THRAP3: variants seen among roughly 807,000 people sequenced by gnomAD.
THRAP3 encodes thyroid hormone receptor-associated protein 3.
Under a neutral mutation model 101.0 loss-of-function variants are expected in THRAP3, and 16 were observed. The ratio of observed to expected loss-of-function variants is 0.16; its 90% CI spans 0.11 to 0.24. The LOEUF (loss-of-function observed/expected upper bound fraction) is 0.24, where lower values mean the gene tolerates loss of function less well. Among genes scored for constraint, THRAP3 ranks in the 10% least tolerant of loss-of-function variants. The pLI, the probability that THRAP3 is intolerant of heterozygous loss-of-function variation, is 1.00. For synonymous variants in THRAP3, 407 were observed against 422.6 expected (o/e 0.96, Z 0.45); for missense variants, 989 against 1,202.7 (o/e 0.82, Z 2.63).
intron 2 of THRAP3, among the ~76,000 whole-genome samples, chr1:36,268,698 TA>T (rs1439709921): frequency 6.6e-6 from 1 of 151,764 alleles, no homozygotes; most frequent in African/African-American, 2.4e-5. Context: ...CTTAGAAAAG[TA>T]ATCCATGTGT....
chr1:36,210,915 A>C, the THRAP3 span, among the ~76,000 whole-genome samples: 1 of 149,028 alleles, frequency 6.7e-6, no homozygotes, highest in South Asian at 2.1e-4. Flanking sequence ...TGGAATTTTA[A>C]AAACATCTTG....
chr1:36,293,116 C>T (rs1258541541), intron 7 of THRAP3, among the ~76,000 whole-genome samples: 1 of 141,318 alleles, frequency 7.1e-6, no homozygotes, highest in East Asian at 2.4e-4. Flanking sequence ...GCAACCTCTG[C>T]CTCCCAGGTT....
chr1:36,233,367 A>G (rs753353076), intron 1 of THRAP3, among the ~76,000 whole-genome samples: 17 of 151,820 alleles, frequency 1.1e-4, no homozygotes, highest in Non-Finnish European at 2.4e-4. Context: ...TTAGCCAGGC[A>G]TGCTGGTGGG....
chr1:36,231,956 C>G (rs1003619322), intron 1 of THRAP3, among the ~76,000 whole-genome samples: 3 of 152,110 alleles, frequency 2.0e-5, no homozygotes, highest in African/African-American at 7.2e-5. Flanking sequence ...GTGGTTCACG[C>G]CTGTAATCCC....
intron 4 of THRAP3, chr1:36,287,856 TC>T (rs1645815716): frequency 3.0e-6 from 3 of 985,304 alleles, no homozygotes; most frequent in Admixed American, 1.2e-4. Flanking sequence ...TCCGTCTTTC[TC>T]CCCTGGGGGA....
At chr1:36,216,252 G>T in the THRAP3 span, among the ~76,000 whole-genome samples, 1 of 151,900 alleles carries the variant, frequency 6.6e-6, no homozygotes, top group African/African-American at 2.4e-5. Flanking sequence ...GGGCGCTGTA[G>T]CTCACGCCTG....
chr1:36,290,931 A>T (rs1399354569), intron 5 of THRAP3, among the ~76,000 whole-genome samples: 1 of 152,162 alleles, frequency 6.6e-6, no homozygotes, highest in Non-Finnish European at 1.5e-5. Flanking sequence ...CCGCTTCATG[A>T]CATCACCTCC....
chr1:36,301,063 T>C lies in THRAP3; in HGVS notation c.2481T>C (p.Gly827=). The C allele has an allele frequency of 6.2e-7, 1 of 1,614,114 alleles. No individual in the cohort carries two copies. The highest frequency in any genetic ancestry group is 8.5e-7 in the Non-Finnish European group (1 of 1,179,998). Reference sequence around the variant, plus strand: ...TTGTGGGTCCAAGTGAAAGAGGAGGTGGCAGAGCTCGAGGAACCTTTGTAA... The same window carrying C: ...TTGTGGGTCCAAGTGAAAGAGGAGGCGGCAGAGCTCGAGGAACCTTTGTAA... The part of the protein sequence containing the change: ...KDFVGPSERG[G]GRARGTFQFR... Residue 827 remains glycine (G), a synonymous_variant, in exon 10 of 12, where the codon GGT becomes GGC. Transcript: ENST00000354618.
intron 2 of THRAP3, among the ~76,000 whole-genome samples, chr1:36,271,364 C>CA (rs201024657): frequency 0.032 from 4,860 of 152,164 alleles, 251 homozygotes; most frequent in African/African-American, 0.11. Context: ...CTCACTGCAA[C>CA]CTCCGCCTCC....
intron 5 of THRAP3, among the ~76,000 whole-genome samples, chr1:36,290,594 T>A (rs1463002184): frequency 6.6e-6 from 1 of 152,098 alleles, no homozygotes; most frequent in Non-Finnish European, 1.5e-5. Flanking sequence ...GCCTCCCCAG[T>A]AGTTGGGATT....
chr1:36,266,607 T>C (rs1645517326), intron 2 of THRAP3, among the ~76,000 whole-genome samples: 1 of 152,186 alleles, frequency 6.6e-6, no homozygotes, highest in African/African-American at 2.4e-5. Flanking sequence ...TTGCTGGTTC[T>C]GATGGAAAGA....
In THRAP3 at chr1:36,289,120, C is replaced by A; in HGVS notation, c.1101C>A (p.Thr367=). The A allele has an allele frequency of 6.2e-7, 1 of 1,610,232 alleles. No homozygotes were observed. Among genetic ancestry groups the A allele is most frequent in the Admixed American group, 1.7e-5 (1 of 59,148 alleles). ...ATAAGGAACAGAAACAAACAAATACCGATAAAGAAAAAATAAAAGAGAAAG... is the reference window on the plus strand; with the variant it reads ...ATAAGGAACAGAAACAAACAAATACAGATAAAGAAAAAATAAAAGAGAAAG... The part of the protein sequence containing the change: ...GKDKEQKQTN[T]DKEKIKEKGS... The change falls in exon 5 of 12, where the codon ACC becomes ACA. Residue 367 remains threonine (T), a synonymous_variant. Coordinates refer to ENST00000354618, the MANE Select transcript of THRAP3 (RefSeq NM_005119.4).
chr1:36,278,936 A>G (rs1645697592), intron 2 of THRAP3, among the ~76,000 whole-genome samples: 2 of 152,066 alleles, frequency 1.3e-5, no homozygotes, highest in African/African-American at 4.8e-5. Context: ...AAAAAAATAA[A>G]TAAATAAAAA....
intron 3 of THRAP3, among the ~76,000 whole-genome samples, chr1:36,284,895 G>T (rs1473607323): frequency 6.6e-6 from 1 of 151,962 alleles, no homozygotes; most frequent in Non-Finnish European, 1.5e-5. Flanking sequence ...TTCTTATATT[G>T]TTACTGTTTT....
chr1:36,256,946 C>T (rs1284544427), intron 1 of THRAP3, among the ~76,000 whole-genome samples: 2 of 152,116 alleles, frequency 1.3e-5, no homozygotes, highest in East Asian at 3.9e-4. Flanking sequence ...CAGGCACCAG[C>T]CACCTCGCCA....
chr1:36,263,046 G>A (rs920311211), intron 2 of THRAP3, among the ~76,000 whole-genome samples: 4 of 142,834 alleles, frequency 2.8e-5, no homozygotes, highest in Non-Finnish European at 4.5e-5. Flanking sequence ...TCCTGACCTC[G>A]TGATCTGCCC....
chr1:36,259,589 A>G (rs1645418392), intron 2 of THRAP3, 105 bp downstream of exon 2: 1 of 389,822 alleles, frequency 2.6e-6, no homozygotes, highest in Non-Finnish European at 4.5e-6. Flanking sequence ...ACATGGTGAG[A>G]TCCTGTCTCT....
intron 1 of THRAP3, among the ~76,000 whole-genome samples, chr1:36,244,184 A>G (rs1645203792): frequency 6.6e-6 from 1 of 152,250 alleles, no homozygotes; most frequent in African/African-American, 2.4e-5. Flanking sequence ...GGATTAGTAT[A>G]AGCTGCAAAG....
intron 8 of THRAP3, among the ~76,000 whole-genome samples, chr1:36,296,288 C>A (rs1381452013): frequency 1.3e-5 from 2 of 152,076 alleles, no homozygotes; most frequent in African/African-American, 2.4e-5. Context: ...TTCTCAACTT[C>A]TAAACTAGCC....
Sources: allele counts gnomAD v4.1 joint callset (sites outside exome capture counted in the v4.1 genomes callset), GRCh38; gene constraint gnomAD v4.1.1; transcripts MANE v1.5; gene names NCBI Gene and HGNC (gene_info 2026-07-23, HGNC 2026-07-21).